MAMDC2: variants seen among roughly 807,000 people sequenced by gnomAD.
The protein encoded by MAMDC2 is MAM domain-containing protein 2.
MAMDC2 carries 57 observed loss-of-function variants against 89.8 expected under a neutral mutation model. That is an observed-to-expected ratio of 0.63 (90% CI 0.51 to 0.79). The LOEUF is 0.79. MAMDC2 is among the 30% of genes least tolerant of loss of function. MAMDC2 has a pLI of 0.00. For missense variants in MAMDC2, 800 were observed against 820.6 expected, an observed-to-expected ratio of 0.97 and a Z score of 0.31; for synonymous variants, 313 against 293.4, an observed-to-expected ratio of 1.07 and a Z score of -0.68.
chr9:70,207,688 C>T (rs141982809), intron 11 of MAMDC2, among the ~76,000 whole-genome samples: 4 of 152,098 alleles, frequency 2.6e-5, no homozygotes, highest in Non-Finnish European at 4.4e-5. Flanking sequence ...TTGGTGTTTT[C>T]GACATGAAGT....
intron 12 of MAMDC2, among the ~76,000 whole-genome samples, chr9:70,223,132 CAAAAA>C (rs57177475): frequency 2.5e-5 from 3 of 119,068 alleles, no homozygotes; most frequent in African/African-American, 7.0e-5. Context: ...GACTCTGTCT[CAAAAA>C]AAAAAAAAAA....
At chr9:70,073,509 T>C (rs756381505) in intron 2 of MAMDC2, among the ~76,000 whole-genome samples, 1 of 152,224 alleles carries the variant, frequency 6.6e-6, no homozygotes, top group Non-Finnish European at 1.5e-5. Flanking sequence ...GCAGCTTGGA[T>C]ACCTCTCCTT....
chr9:70,184,802 G>A (rs557341707), intron 11 of MAMDC2, among the ~76,000 whole-genome samples: 3 of 151,852 alleles, frequency 2.0e-5, no homozygotes, highest in South Asian at 4.2e-4. Context: ...CAAGGTTCTC[G>A]GCTTCCTTGC....
At chr9:70,174,284 C>G (rs895758071) in intron 11 of MAMDC2, among the ~76,000 whole-genome samples, 1 of 152,148 alleles carries the variant, frequency 6.6e-6, no homozygotes, top group Admixed American at 6.5e-5. Flanking sequence ...AACAGACAAG[C>G]ATTTACCCTC....
chr9:70,061,587 G>C lies in MAMDC2; in HGVS notation c.148+16890G>C, dbSNP rs563968300. On this transcript the variant is annotated intron_variant, in intron 2 of 13. Transcript: ENST00000377182. ...GGAACTGGACTAAGGTGAGGAAAAT[G>C]AGGCATTCTCCTTGGGTGCAAAATT... 2.0e-5 allele frequency among the ~76,000 whole-genome samples: 3 copies of C among 152,288 alleles called. No homozygotes were observed. In the South Asian group the frequency reaches 6.2e-4, roughly 32 times the overall value.
intron 11 of MAMDC2, among the ~76,000 whole-genome samples, chr9:70,212,293 G>A (rs1199014690): frequency 6.6e-6 from 1 of 152,238 alleles, no homozygotes; most frequent in Non-Finnish European, 1.5e-5. Context: ...GCCCTTCCTG[G>A]CCGCTTTGTG....
intron 2 of MAMDC2, among the ~76,000 whole-genome samples, chr9:70,106,363 C>T (rs982823138): frequency 5.2e-5 from 7 of 134,750 alleles, no homozygotes; most frequent in African/African-American, 7.8e-5. Flanking sequence ...TACTCCATGT[C>T]CAACTCTCTA....
At chr9:70,064,947 C>G (rs971775927) in intron 2 of MAMDC2, among the ~76,000 whole-genome samples, 1 of 152,160 alleles carries the variant, frequency 6.6e-6, no homozygotes, top group Non-Finnish European at 1.5e-5. Flanking sequence ...AAGAATATGC[C>G]AAGCCATTGT....
At chr9:70,225,701 T>C (rs1251692838) in intron 12 of MAMDC2, 49 bp from the exon 13 acceptor site, 2 of 1,223,736 alleles carry the variant, frequency 1.6e-6, no homozygotes, top group Admixed American at 1.7e-5. Context: ...TGACCAGCAC[T>C]GTAATCAGGA....
intron 10 of MAMDC2, chr9:70,169,604 A>G (rs953343159): frequency 4.7e-4 from 72 of 152,232 alleles, no homozygotes; most frequent in African/African-American, 1.7e-3. Context: ...ACTGTGTGTA[A>G]AATAAAATGA....
chr9:70,053,340 A>G (rs1826955529), intron 2 of MAMDC2, among the ~76,000 whole-genome samples: 1 of 152,232 alleles, frequency 6.6e-6, no homozygotes, highest in Non-Finnish European at 1.5e-5. Flanking sequence ...TCATTGCATC[A>G]TGAATAAATA....
At chr9:70,181,098 T>C (rs1230072266) in intron 11 of MAMDC2, among the ~76,000 whole-genome samples, 2 of 152,232 alleles carry the variant, frequency 1.3e-5, no homozygotes, top group African/African-American at 4.8e-5. Context: ...GCAACATTTA[T>C]TACATAGAGA....
intron 11 of MAMDC2, among the ~76,000 whole-genome samples, chr9:70,182,979 G>A (rs2032677210): frequency 1.3e-5 from 2 of 151,988 alleles, no homozygotes; most frequent in African/African-American, 4.8e-5. Context: ...TTCTCCTTTG[G>A]GCATTTAGTG....
chr9:70,206,804 G>A (rs1035712229), intron 11 of MAMDC2, among the ~76,000 whole-genome samples: 6 of 151,940 alleles, frequency 3.9e-5, no homozygotes, highest in Admixed American at 6.6e-5. Context: ...CACAGGCCCC[G>A]GTGTGTGATG....
Position 70,044,175 on chromosome 9 carries a change from G to C in MAMDC2, c.-23G>C, listed in dbSNP as rs914476490. On this transcript the variant is annotated 5_prime_UTR_variant, in exon 1 of 14. Coordinates refer to ENST00000377182, the MANE Select transcript of MAMDC2 (RefSeq NM_153267.5). ...GGCTGGCAACTTGCACCCCTTCCTAGTCATCCTCCCTGAAACGCGACCATG... is the reference window on the plus strand; with the variant it reads ...GGCTGGCAACTTGCACCCCTTCCTACTCATCCTCCCTGAAACGCGACCATG... 3.7e-6 allele frequency: 6 copies of C among 1,613,682 alleles called. No individual in the cohort carries two copies. The African/African-American group carries it at 6.7e-5, about 18-fold the overall frequency.
chr9:70,214,906 A>G (rs1009283055), intron 11 of MAMDC2, among the ~76,000 whole-genome samples: 6 of 152,192 alleles, frequency 3.9e-5, no homozygotes, highest in Non-Finnish European at 4.4e-5. Flanking sequence ...TGAGTTTTGA[A>G]TATGCTCAGT....
chr9:70,194,902 C>T (rs980378106), intron 11 of MAMDC2, among the ~76,000 whole-genome samples: 1 of 152,002 alleles, frequency 6.6e-6, no homozygotes, highest in Non-Finnish European at 1.5e-5. Context: ...GCCAGTATTA[C>T]CCAGGTTACA....
At position 70,044,114 on chromosome 9, in the gene MAMDC2, C is replaced by T; in HGVS notation, c.-84C>T. ...TTGGGTCCCCGGCGCCCCCGCCTCC[C>T]ACGATCCCTTTCACTAGGAGCAGCC... On this transcript the variant is annotated 5_prime_UTR_variant, in exon 1 of 14. Transcript: ENST00000377182. 5.2e-6 allele frequency: 8 copies of T among 1,550,838 alleles called. No individual in the cohort carries two copies. The highest frequency in any genetic ancestry group is 7.1e-6 in the Non-Finnish European group (8 of 1,127,160).
intron 7 of MAMDC2, among the ~76,000 whole-genome samples, chr9:70,139,191 T>C (rs2031107146): frequency 1.3e-5 from 2 of 149,942 alleles, no homozygotes; most frequent in Admixed American, 6.7e-5. Flanking sequence ...TACATATGTA[T>C]ACATGTGCCA....
Sources: allele counts gnomAD v4.1 joint callset (sites outside exome capture counted in the v4.1 genomes callset), GRCh38; gene constraint gnomAD v4.1.1; transcripts MANE v1.5; gene names NCBI Gene and HGNC (gene_info 2026-07-23, HGNC 2026-07-21).